Variants in THSD7A observed in about 807,000 individuals in gnomAD.
The protein encoded by THSD7A is thrombospondin type 1 domain containing 7A.
In THSD7A, 96 loss-of-function variants were observed where a neutral mutation model predicts 231.3. That is an observed-to-expected ratio of 0.41 (90% CI 0.35 to 0.49). THSD7A has a LOEUF of 0.49. Ranked by LOEUF, THSD7A falls within the 20% of genes least tolerant of loss-of-function variation. The pLI is 0.05. For missense variants in THSD7A, 2,290 were observed against 2,070.2 expected (o/e 1.11, Z -2.06); for synonymous variants, 940 against 743.3 (o/e 1.26, Z -4.30).
chr7:11,718,816 C>T (rs1179136651), intron 1 of THSD7A, among the ~76,000 whole-genome samples: 1 of 151,274 alleles, frequency 6.6e-6, no homozygotes, highest in Non-Finnish European at 1.5e-5. Context: ...TGATTTTGTC[C>T]AAATAAGACA....
intron 13 of THSD7A, among the ~76,000 whole-genome samples, chr7:11,437,472 C>G (rs1028726936): frequency 2.0e-5 from 3 of 152,026 alleles, no homozygotes; most frequent in African/African-American, 7.2e-5. Context: ...AAGTCTGTCC[C>G]TCATCCCCTG....
chr7:11,661,790 A>G lies in THSD7A; in HGVS notation c.191-24829T>C, dbSNP rs955214791. 7.9e-5 allele frequency among the ~76,000 whole-genome samples: 12 copies of G among 151,520 alleles called. No individual in the cohort carries two copies. In the East Asian group the frequency reaches 1.9e-3, roughly 25 times the overall value. The stretch of plus-strand genomic sequence containing the variant: ...GTAAATCCCAGTGAATATTGAATGC[A>G]TAAAGCAATGATAGTATGACTCATG... On this transcript the variant is annotated intron_variant, in intron 1 of 27. Coordinates refer to ENST00000423059, the MANE Select transcript of THSD7A (RefSeq NM_015204.3).
rs111260606 is a variant in THSD7A, at chr7:11,750,546, C to G, written c.190+81211G>C. ...GGCAATATTGGAGGGACTGCCAAACCCAATAGTCTGATTTGCAGACACGAG... is the reference window on the plus strand; with the variant it reads ...GGCAATATTGGAGGGACTGCCAAACGCAATAGTCTGATTTGCAGACACGAG... On this transcript the variant is annotated intron_variant, in intron 1 of 27. Transcript: ENST00000423059. Among the ~76,000 whole-genome samples the G allele has an allele frequency of 9.8e-3, 1,487 of 151,974 alleles. 21 individuals are homozygous for G. The highest frequency in any genetic ancestry group is 0.033 in the African/African-American group (1,386 of 41,488).
chr7:11,504,558 T>C (rs1787467757), intron 6 of THSD7A, among the ~76,000 whole-genome samples: 1 of 152,182 alleles, frequency 6.6e-6, no homozygotes, highest in South Asian at 2.1e-4. Context: ...ACCCTAGATA[T>C]AATCTGGCCT....
chr7:11,718,522 G>T (rs1454297434), intron 1 of THSD7A, among the ~76,000 whole-genome samples: 1 of 151,550 alleles, frequency 6.6e-6, no homozygotes, highest in Non-Finnish European at 1.5e-5. Context: ...CTAGCAGGTA[G>T]TGCATTCAAG....
intron 1 of THSD7A, among the ~76,000 whole-genome samples, chr7:11,692,192 A>T (rs1482758196): frequency 6.6e-6 from 1 of 151,502 alleles, no homozygotes; most frequent in Non-Finnish European, 1.5e-5. Context: ...TTGTCTACAA[A>T]ATTTGCAGCC....
chr7:11,380,361 G>A (rs1238574561), intron 24 of THSD7A, among the ~76,000 whole-genome samples: 1 of 151,946 alleles, frequency 6.6e-6, no homozygotes, highest in Admixed American at 6.6e-5. Context: ...GTTTTAAGAT[G>A]GAAATAGATG....
chr7:11,713,045 G>A (rs976179653), intron 1 of THSD7A, among the ~76,000 whole-genome samples: 1 of 151,112 alleles, frequency 6.6e-6, no homozygotes, highest in African/African-American at 2.4e-5. Context: ...CCATGCATAT[G>A]CAAAGAGTGA....
At chr7:11,624,322 C>T (rs1453527267) in intron 2 of THSD7A, among the ~76,000 whole-genome samples, 2 of 152,056 alleles carry the variant, frequency 1.3e-5, no homozygotes, top group African/African-American at 4.8e-5. Flanking sequence ...CATAATTTTG[C>T]CTCAGTTTAC....
chr7:11,603,270 T>C (rs1367415207), intron 2 of THSD7A, among the ~76,000 whole-genome samples: 1 of 150,706 alleles, frequency 6.6e-6, no homozygotes, highest in East Asian at 2.0e-4. Context: ...AAAAAACACA[T>C]GAAAAAATGC....
intron 1 of THSD7A, among the ~76,000 whole-genome samples, chr7:11,716,168 T>C (rs1201328654): frequency 6.6e-6 from 1 of 151,524 alleles, no homozygotes; most frequent in Non-Finnish European, 1.5e-5. Flanking sequence ...AAATTCTTGC[T>C]GTCTTACAAT....
At chr7:11,677,827 G>C (rs1783703385) in intron 1 of THSD7A, among the ~76,000 whole-genome samples, 1 of 152,052 alleles carries the variant, frequency 6.6e-6, no homozygotes, top group African/African-American at 2.4e-5. Flanking sequence ...GTTGAACTCA[G>C]CTCTGGACCA....
At chr7:11,572,017 T>C (rs1356752513) in intron 4 of THSD7A, among the ~76,000 whole-genome samples, 1 of 152,174 alleles carries the variant, frequency 6.6e-6, no homozygotes, top group African/African-American at 2.4e-5. Flanking sequence ...ATTCCCTTCT[T>C]TCTCTGGAAT....
intron 1 of THSD7A, among the ~76,000 whole-genome samples, chr7:11,661,677 A>C (rs887079730): frequency 9.9e-5 from 15 of 151,346 alleles, no homozygotes; most frequent in African/African-American, 3.6e-4. Context: ...ACATGGTAAA[A>C]ATCTTTAAGA....
At chr7:11,407,781 A>G (rs1288363504) in intron 19 of THSD7A, among the ~76,000 whole-genome samples, 1 of 152,230 alleles carries the variant, frequency 6.6e-6, no homozygotes, top group African/African-American at 2.4e-5. Context: ...AAAAACTAGT[A>G]TCATCAATAT....
chr7:11,474,408 G>T lies in THSD7A; in HGVS notation c.2178C>A (p.Ala726=). 1.2e-6 allele frequency: 2 copies of T among 1,613,598 alleles called. No individual in the cohort carries two copies. Among genetic ancestry groups the T allele is most frequent in the Non-Finnish European group, 1.7e-6 (2 of 1,179,628 alleles). The part of the protein sequence containing the change: ...FNTTTTWNGE[A]SCSVGMQTRK... ...TTGTCTGCATGCCGACAGAGCAGGA[G>T]GCCTCCCCATTCCAAGTCGTAGTTG... The change falls in exon 8 of 28, where the codon GCC becomes GCA. Residue 726 remains alanine (A), a synonymous_variant. Coordinates refer to ENST00000423059, the MANE Select transcript of THSD7A (RefSeq NM_015204.3). The surrounding 1 kb of genome is among the most constrained non-coding windows in gnomAD (Gnocchi z 4.1).
At chr7:11,398,649 C>A (rs1783284054) in intron 23 of THSD7A, among the ~76,000 whole-genome samples, 1 of 152,158 alleles carries the variant, frequency 6.6e-6, no homozygotes, top group African/African-American at 2.4e-5. Flanking sequence ...CACAAGAGGG[C>A]ATTAGCTACG....
At chr7:11,543,353 G>C (rs1343540412) in intron 4 of THSD7A, among the ~76,000 whole-genome samples, 1 of 152,158 alleles carries the variant, frequency 6.6e-6, no homozygotes, top group East Asian at 1.9e-4. Flanking sequence ...TTGATTACCA[G>C]TTTTACCATT....
At chr7:11,600,223 T>C (rs1780502246) in intron 2 of THSD7A, among the ~76,000 whole-genome samples, 2 of 152,196 alleles carry the variant, frequency 1.3e-5, no homozygotes, top group South Asian at 2.1e-4. Flanking sequence ...CTAAACATTC[T>C]TTTTAATATC....
Sources: gnomAD v4.1 joint callset for allele counts (sites outside exome capture counted in the v4.1 genomes callset) on GRCh38, gnomAD v4.1.1 for gene constraint, Gnocchi (gnomAD v3.1) non-coding constraint, MANE v1.5 for transcripts, NCBI Gene and HGNC (gene_info 2026-07-23, HGNC 2026-07-21) for gene names.